NDUFAF5: variants seen among roughly 807,000 people sequenced by gnomAD.
The protein encoded by NDUFAF5 is arginine-hydroxylase NDUFAF5, mitochondrial.
Under a neutral mutation model 48.9 loss-of-function variants are expected in NDUFAF5, and 34 were observed. The ratio of observed to expected loss-of-function variants is 0.70; its 90% CI spans 0.53 to 0.93. The LOEUF is 0.93. NDUFAF5 is among the 40% of genes least tolerant of loss of function. The pLI is 0.00. For synonymous variants in NDUFAF5, 153 were observed against 150.6 expected (o/e 1.02, Z -0.12); for missense variants, 428 against 427.5 (o/e 1.00, Z -0.01).
chr20:13,801,395 A>G (rs1043868354), intron 6 of NDUFAF5, 91 bp from the exon 7 acceptor site: 1 of 785,466 alleles, frequency 1.3e-6, no homozygotes. Context: ...AGTGGTTGTC[A>G]TAAAATGTTA....
chr20:13,795,393 T>C (rs1343445844), intron 5 of NDUFAF5, among the ~76,000 whole-genome samples: 1 of 152,168 alleles, frequency 6.6e-6, no homozygotes, highest in Non-Finnish European at 1.5e-5. Context: ...CTATATCATA[T>C]TATCTCCACC....
chr20:13,815,716 T>A (rs1169096952), intron 8 of NDUFAF5, among the ~76,000 whole-genome samples: 2 of 152,202 alleles, frequency 1.3e-5, no homozygotes, highest in Admixed American at 6.5e-5. Context: ...ATATGAAGGA[T>A]TTTTATTTCT....
Position 13,820,095 on chromosome 20 carries a change from A to G in NDUFAF5, c.*2885A>G, listed in dbSNP as rs566772682. On this transcript the variant is annotated 3_prime_UTR_variant, in exon 11 of 11. Coordinates refer to ENST00000378106, the MANE Select transcript of NDUFAF5 (RefSeq NM_024120.5). ...CACACCGTGACACCTGTTGGCTGCC[A>G]GGAGACTGTTTGGCTTATTTCCTGG... 1 of 152,342 alleles carries G rather than the reference A, an allele frequency of 6.6e-6. No individual in the cohort carries two copies. The highest frequency in any genetic ancestry group is 1.9e-4 in the East Asian group (1 of 5,182). The allele number at this position is 152,342 out of a possible 1,614,324, so 9.4% of individuals were successfully genotyped here. A position where few individuals can be genotyped will look rare whatever the true frequency, so the allele number is the denominator to read the frequency against.
chr20:13,789,711 C>T (rs962782133), intron 3 of NDUFAF5, among the ~76,000 whole-genome samples: 2 of 151,526 alleles, frequency 1.3e-5, no homozygotes, highest in African/African-American at 4.9e-5. Context: ...CTCCTGACCT[C>T]ATGATCTGTC....
At chr20:13,802,596 G>A (rs1984342933) in intron 7 of NDUFAF5, among the ~76,000 whole-genome samples, 1 of 151,192 alleles carries the variant, frequency 6.6e-6, no homozygotes, top group Non-Finnish European at 1.5e-5. Context: ...CTTGAACCCG[G>A]GAGGCGGAGG....
chr20:13,800,493 G>A (rs1306721687), intron 6 of NDUFAF5, among the ~76,000 whole-genome samples: 1 of 152,204 alleles, frequency 6.6e-6, no homozygotes, highest in African/African-American at 2.4e-5. Flanking sequence ...ACTAGTTACA[G>A]CTTGTAGTCT....
At chr20:13,808,063 T>C (rs558851355) in intron 7 of NDUFAF5, among the ~76,000 whole-genome samples, 2 of 152,340 alleles carry the variant, frequency 1.3e-5, no homozygotes, top group Admixed American at 6.5e-5. Flanking sequence ...GGACAGCCCA[T>C]CTCCATCTTG....
At chr20:13,786,455 C>G (rs945291741) in intron 1 of NDUFAF5, among the ~76,000 whole-genome samples, 2 of 152,132 alleles carry the variant, frequency 1.3e-5, no homozygotes, top group African/African-American at 4.8e-5. Flanking sequence ...ATTGAGGCCT[C>G]GCCAATTTGT....
At chr20:13,790,756 A>G (rs752876136) in intron 3 of NDUFAF5, among the ~76,000 whole-genome samples, 2 of 152,158 alleles carry the variant, frequency 1.3e-5, no homozygotes, top group South Asian at 4.1e-4. Flanking sequence ...GCCTCCTTGC[A>G]GTCTCTCAAA....
intron 5 of NDUFAF5, among the ~76,000 whole-genome samples, chr20:13,795,586 C>T (rs543719627): frequency 2.5e-4 from 38 of 151,902 alleles, no homozygotes; most frequent in African/African-American, 9.0e-4. Context: ...TGGGAGGCTG[C>T]AGTAACAGGA....
intron 8 of NDUFAF5, chr20:13,814,259 G>A (rs1986208734): frequency 3.8e-5 from 14 of 370,694 alleles, no homozygotes; most frequent in South Asian, 2.7e-4. Flanking sequence ...AGGGGATGAT[G>A]GAGGCAGGGA....
At chr20:13,814,177 T>A (rs904935548) in intron 8 of NDUFAF5, 11 of 328,866 alleles carry the variant, frequency 3.3e-5, no homozygotes, top group African/African-American at 2.4e-4. Flanking sequence ...ACAGCCTGAT[T>A]TGTATGCTGA....
chr20:13,788,569 C>A lies in NDUFAF5; in HGVS notation c.264-20C>A, dbSNP rs1480498284. ...GACTGTGTTATGGACAGAGCATAACCTCTGTGTCTTTTTTTTTAGAAATTT... is the reference window on the plus strand; with the variant it reads ...GACTGTGTTATGGACAGAGCATAACATCTGTGTCTTTTTTTTTAGAAATTT... On this transcript the variant is annotated intron_variant, in intron 2 of 10. Coordinates refer to ENST00000378106, the MANE Select transcript of NDUFAF5 (RefSeq NM_024120.5). 2 of 1,589,328 alleles carry A rather than the reference C, an allele frequency of 1.3e-6. No individual in the cohort carries two copies. The highest frequency in any genetic ancestry group is 2.7e-5 in the African/African-American group (2 of 74,314).
intron 6 of NDUFAF5, among the ~76,000 whole-genome samples, chr20:13,800,163 G>T (rs1249459356): frequency 6.6e-6 from 1 of 152,086 alleles, no homozygotes; most frequent in Non-Finnish European, 1.5e-5. Flanking sequence ...TTGGAAAGTG[G>T]TCATTGTGAA....
At chr20:13,804,506 T>A (rs1984710568) in intron 7 of NDUFAF5, among the ~76,000 whole-genome samples, 1 of 152,162 alleles carries the variant, frequency 6.6e-6, no homozygotes, top group Non-Finnish European at 1.5e-5. Flanking sequence ...ATTAACAGTA[T>A]ATGTATTTCC....
At chr20:13,799,677 C>T (rs951163401) in intron 6 of NDUFAF5, among the ~76,000 whole-genome samples, 40 of 145,016 alleles carry the variant, frequency 2.8e-4, no homozygotes, top group Non-Finnish European at 4.9e-4. Context: ...CCAGCCTAGA[C>T]GACAGAGTGA....
Position 13,798,520 on chromosome 20 carries a change from T to C in NDUFAF5, c.519+20T>C. 6.4e-7 allele frequency: 1 copy of C among 1,565,136 alleles called. No homozygotes were observed. The highest frequency in any genetic ancestry group is 1.1e-5 in the South Asian group (1 of 89,974). On this transcript the variant is annotated intron_variant, in intron 6 of 10. Coordinates refer to ENST00000378106, the MANE Select transcript of NDUFAF5 (RefSeq NM_024120.5). ...GAGCAGGTAAGAAAACTTATGTTCA[T>C]TCAACTATCTTGTGTTATTTTCTTT... is the stretch of plus-strand genomic sequence containing the variant.
Position 13,801,677 on chromosome 20 carries a change from G to A in NDUFAF5, c.711G>A (p.Leu237=), listed in dbSNP as rs777696937. The change falls in exon 7 of 11, where the codon CTG becomes CTA. Residue 237 remains leucine, a synonymous_variant. Transcript: ENST00000378106. ...TTGGGAGAGCTGGCTTTAATACTCT[G>A]ACTGTGGTAACTATCAAGTTCGATT... The part of the protein sequence containing the change: ...HLLGRAGFNT[L]TVDTDEIQVN... The A allele has an allele frequency of 6.2e-7, 1 of 1,613,424 alleles. No homozygotes were observed. Among genetic ancestry groups the A allele is most frequent in the Non-Finnish European group, 8.5e-7 (1 of 1,179,506 alleles).
Position 13,785,287 on chromosome 20 carries a change from G to C in NDUFAF5, c.219G>C (p.Glu73Asp). ...CGACCAAATTTGACTACCTGAAGGA[G>C]GAGGTGAGCCCGCGGGGCGGCGGGG... ...PEPTKFDYLKEEVGSRIADRV... is the reference protein window; with the variant it reads ...PEPTKFDYLKDEVGSRIADRV... Residue 73 changes from glutamate to aspartate, a missense_variant, in exon 1 of 11, where the codon GAG becomes GAC. Physicochemically the swap from Glu to Asp is conservative, Grantham distance 45. Coordinates refer to ENST00000378106, the MANE Select transcript of NDUFAF5 (RefSeq NM_024120.5). 6.2e-7 allele frequency: 1 copy of C among 1,606,194 alleles called. No individual in the cohort carries two copies. The highest frequency in any genetic ancestry group is 8.5e-7 in the Non-Finnish European group (1 of 1,175,968).
Sources: gnomAD v4.1 joint callset for allele counts (sites outside exome capture counted in the v4.1 genomes callset) on GRCh38, gnomAD v4.1.1 for gene constraint, MANE v1.5 for transcripts, NCBI Gene and HGNC (gene_info 2026-07-23, HGNC 2026-07-21) for gene names.